DNAH12: variants seen among roughly 807,000 people sequenced by gnomAD.
DNAH12 encodes the protein axonemal beta dynein heavy chain 12.
Under a neutral mutation model 371.5 loss-of-function variants are expected in DNAH12, and 285 were observed. The ratio of observed to expected loss-of-function variants is 0.77; its 90% CI spans 0.70 to 0.85. DNAH12 has a LOEUF of 0.85. Ranked by LOEUF, DNAH12 falls within the 40% of genes least tolerant of loss-of-function variation. The pLI, the probability that DNAH12 is intolerant of heterozygous loss-of-function variation, is 0.00. For missense variants in DNAH12, 3,611 were observed against 3,689.4 expected (o/e 0.98, Z 0.55); for synonymous variants, 1,200 against 1,213.0 (o/e 0.99, Z 0.22).
At chr3:57,444,351 T>G (rs1489340476) in intron 29 of DNAH12, among the ~76,000 whole-genome samples, 1 of 152,068 alleles carries the variant, frequency 6.6e-6, no homozygotes, top group Non-Finnish European at 1.5e-5. Context: ...CCACCATGCC[T>G]GGCTAATTTT....
chr3:57,397,955 A>G (rs934668112), intron 43 of DNAH12, among the ~76,000 whole-genome samples: 5,012 of 152,278 alleles, frequency 0.033, 276 homozygotes, highest in African/African-American at 0.11. Context: ...GAAACCAACC[A>G]TAAGGAAATG....
chr3:57,421,322 T>C (rs942883492), intron 36 of DNAH12, among the ~76,000 whole-genome samples, 196 bp downstream of exon 36: 1 of 152,144 alleles, frequency 6.6e-6, no homozygotes, highest in African/African-American at 2.4e-5. Flanking sequence ...TTAATTTAAA[T>C]GTGAAATTAT....
At chr3:57,519,540 A>C in intron 4 of DNAH12, 1 of 608,998 alleles carries the variant, frequency 1.6e-6, no homozygotes, top group Non-Finnish European at 3.0e-6. Context: ...TGTGTCCCAA[A>C]GGACCACAGA....
At chr3:57,329,218 G>A (rs1170881715) in intron 62 of DNAH12, among the ~76,000 whole-genome samples, 7 of 141,834 alleles carry the variant, frequency 4.9e-5, no homozygotes, top group Non-Finnish European at 7.4e-5. Flanking sequence ...CTACTTTAAA[G>A]TTCATATGGA....
intron 35 of DNAH12, among the ~76,000 whole-genome samples, chr3:57,423,854 T>A (rs1559642848): frequency 6.6e-6 from 1 of 152,036 alleles, no homozygotes; most frequent in Non-Finnish European, 1.5e-5. Flanking sequence ...TTCTCCTGCC[T>A]CAGCCTCCTG....
Position 57,351,744 on chromosome 3 carries a change from G to C in DNAH12, c.9674+341C>G, listed in dbSNP as rs939542201. Reference sequence around the variant, plus strand: ...TCTGCAGTGTTATAAATGAGTCTATGGTAGTTACCTTTTTGGGGTAGTAAG... The same window carrying C: ...TCTGCAGTGTTATAAATGAGTCTATCGTAGTTACCTTTTTGGGGTAGTAAG... On this transcript the variant is annotated intron_variant, in intron 60 of 73. Transcript: ENST00000495027. Among the ~76,000 whole-genome samples, 9 of 152,204 alleles carry C rather than the reference G, an allele frequency of 5.9e-5. 1 individual carries two copies. In the South Asian group the frequency reaches 1.5e-3, roughly 25 times the overall value.
chr3:57,416,302 T>C (rs987370558), intron 37 of DNAH12, among the ~76,000 whole-genome samples: 9 of 152,208 alleles, frequency 5.9e-5, no homozygotes, highest in African/African-American at 2.2e-4. Context: ...ATGTTGCCCA[T>C]GCTGGTCTCA....
intron 13 of DNAH12, among the ~76,000 whole-genome samples, chr3:57,479,879 A>C (rs2066674319): frequency 6.6e-6 from 1 of 152,234 alleles, no homozygotes. Context: ...CAACGAGAAC[A>C]AAGACACAAC....
chr3:57,330,958 C>G (rs926338046), intron 62 of DNAH12, among the ~76,000 whole-genome samples: 2 of 152,100 alleles, frequency 1.3e-5, no homozygotes, highest in Admixed American at 6.5e-5. Context: ...CAGAGGGAAA[C>G]AAGTAGAAGG....
At chr3:57,490,386 C>T (rs998507961) in intron 11 of DNAH12, among the ~76,000 whole-genome samples, 2 of 152,090 alleles carry the variant, frequency 1.3e-5, no homozygotes, top group Non-Finnish European at 2.9e-5. Flanking sequence ...TACCAAGATC[C>T]AAGATATTGG....
At chr3:57,488,745 A>G (rs1288916334) in intron 12 of DNAH12, among the ~76,000 whole-genome samples, 1 of 152,146 alleles carries the variant, frequency 6.6e-6, no homozygotes, top group African/African-American at 2.4e-5. Flanking sequence ...CAGAAGTTAC[A>G]AGCTTTTTTG....
chr3:57,425,947 G>A (rs9879765), intron 34 of DNAH12, among the ~76,000 whole-genome samples: 10,135 of 152,212 alleles, frequency 0.067, 1,134 homozygotes, highest in African/African-American at 0.23. Flanking sequence ...AAGTCTCAGG[G>A]TAGGAGGCGG....
At chr3:57,487,012 A>T (rs1331453965) in intron 12 of DNAH12, among the ~76,000 whole-genome samples, 1 of 152,130 alleles carries the variant, frequency 6.6e-6, no homozygotes, top group Non-Finnish European at 1.5e-5. Context: ...AGGAAGAAAA[A>T]CCAGCAAGGA....
In DNAH12 at chr3:57,473,688, C is replaced by CAT. The variant is rs527790831; in HGVS notation, c.1651-1019_1651-1018dup. 3.8e-3 allele frequency among the ~76,000 whole-genome samples: 420 copies of CAT among 111,178 alleles called. 5 individuals are homozygous for CAT. In the South Asian group the frequency reaches 0.048, roughly 13 times the overall value. The allele number at this position is 111,178 out of a possible 152,430, so 72.9% of individuals were successfully genotyped here. ...TGATTTTATATTATACATATGTATA[C>CAT]ATATATATACATACATCTATATATA... On this transcript the variant is annotated intron_variant, in intron 13 of 73. Coordinates refer to ENST00000495027, the MANE Select transcript of DNAH12 (RefSeq NM_001366028.2).
At chr3:57,333,031 G>A (rs1312709570) in intron 62 of DNAH12, among the ~76,000 whole-genome samples, 2 of 152,326 alleles carry the variant, frequency 1.3e-5, no homozygotes, top group Admixed American at 6.5e-5. Flanking sequence ...ACGTTCTGTA[G>A]AGGGCCAGAT....
intron 25 of DNAH12, among the ~76,000 whole-genome samples, chr3:57,446,976 G>A (rs1175733595): frequency 6.6e-6 from 1 of 152,136 alleles, no homozygotes; most frequent in Non-Finnish European, 1.5e-5. Context: ...AGTTCAGGAA[G>A]GTTTTAATTA....
At chr3:57,445,556 TAG>T in intron 27 of DNAH12, 137 bp from the exon 28 acceptor site, 3 of 776,452 alleles carry the variant, frequency 3.9e-6, no homozygotes, top group Non-Finnish European at 5.3e-6. Flanking sequence ...TAATTTTTTT[TAG>T]TAGTACTTTT....
In DNAH12 at chr3:57,427,820, C is replaced by T. The variant is rs113502623; in HGVS notation, c.5253+813G>A. On this transcript the variant is annotated intron_variant, in intron 34 of 73. Transcript: ENST00000495027. The stretch of plus-strand genomic sequence containing the variant: ...TGGACAAGGTAAGAAAAGAGTCTCC[C>T]TTAGAGCTTCCAAGGAAGTATAGCC... Among the ~76,000 whole-genome samples, 275 of 152,244 alleles carry T rather than the reference C, an allele frequency of 1.8e-3. 1 individual carries two copies. The highest frequency in any genetic ancestry group is 6.4e-3 in the African/African-American group (265 of 41,576).
intron 37 of DNAH12, among the ~76,000 whole-genome samples, chr3:57,417,718 C>T (rs2064423955): frequency 6.6e-6 from 1 of 152,162 alleles, no homozygotes; most frequent in Non-Finnish European, 1.5e-5. Flanking sequence ...CACTCATGCC[C>T]ATTCCTTCTT....
Sources: allele counts gnomAD v4.1 joint callset (sites outside exome capture counted in the v4.1 genomes callset), GRCh38; gene constraint gnomAD v4.1.1; transcripts MANE v1.5; gene names NCBI Gene and HGNC (gene_info 2026-07-23, HGNC 2026-07-21).